The following C10orf105 variants were observed in gnomAD, a reference collection of about 807,000 sequenced individuals.
C10orf105 encodes the protein uncharacterized protein C10orf105.
Under a neutral mutation model 0.6 loss-of-function variants are expected in C10orf105, and 2 were observed. The ratio of observed to expected loss-of-function variants is 3.18; its 90% CI spans 1.30 to 10.01. The LOEUF (loss-of-function observed/expected upper bound fraction) is 10.01, where lower values mean the gene tolerates loss of function less well. Ranked by LOEUF, C10orf105 falls within the 30% of genes most tolerant of loss-of-function variation. The pLI is 0.04. For missense variants in C10orf105, 209 were observed against 191.4 expected, an observed-to-expected ratio of 1.09 and a Z score of -0.54; for synonymous variants, 95 against 82.4, an observed-to-expected ratio of 1.15 and a Z score of -0.83.
rs371962929 is a variant in C10orf105 at position 71,712,774 on chromosome 10, C to T, written c.*3162G>A. The stretch of plus-strand genomic sequence containing the variant: ...TTCTGCAGAGCAGCTATGAGGCCAG[C>T]GTCCCTGAGGACATCCCTGAAGGCC... On this transcript the variant is annotated 3_prime_UTR_variant, in exon 2 of 2. Transcript: ENST00000441508. The T allele has an allele frequency of 1.1e-5, 18 of 1,612,914 alleles. No homozygotes were observed. Among genetic ancestry groups the T allele is most frequent in the East Asian group, 8.9e-5 (4 of 44,862 alleles).
In C10orf105 at chr10:71,734,272, T is replaced by A. The variant is rs1276222917; in HGVS notation, c.-6+3456A>T. The A allele has an allele frequency of 1.9e-6, 3 of 1,612,158 alleles. No individual in the cohort carries two copies. The highest frequency in any genetic ancestry group is 2.5e-6 in the Non-Finnish European group (3 of 1,179,240). ...TCACAGTCCAGGGCCTGGTGGACCG[T>A]GAGAAGGGCGACTTCTATACCTTGA... On this transcript the variant is annotated intron_variant, in intron 1 of 1. Transcript: ENST00000398786.
At chr10:71,719,929 G>T (rs1029221177), upstream of C10orf105, 1 of 152,826 alleles carries the variant, frequency 6.5e-6, no homozygotes, top group African/African-American at 2.4e-5. Flanking sequence ...ATGCCCCCTG[G>T]CCTTCCCACC....
chr10:71,737,539 G>C (rs1357836418), intron 1 of C10orf105, among the ~76,000 whole-genome samples: 1 of 152,198 alleles, frequency 6.6e-6, no homozygotes, highest in African/African-American at 2.4e-5. Context: ...GCATGCACAG[G>C]CTTAGCCGGC....
In C10orf105 at chr10:71,734,318, G is replaced by A. The variant is rs749105554; in HGVS notation, c.-6+3410C>T. On this transcript the variant is annotated intron_variant, in intron 1 of 1. Coordinates refer to the C10orf105 transcript ENST00000398786. ...CTTGACAGTGGTGGCAGATGACGGC[G>A]GCCCCAAGGTGGACTCCACCGTGGT... is the stretch of plus-strand genomic sequence containing the variant. The A allele has an allele frequency of 4.7e-5, 75 of 1,610,698 alleles. No homozygotes were observed. The highest frequency in any genetic ancestry group is 8.4e-5 in the Admixed American group (5 of 59,682).
intron 1 of C10orf105, among the ~76,000 whole-genome samples, chr10:71,718,954 T>C (rs989432400): frequency 3.9e-5 from 6 of 152,054 alleles, no homozygotes; most frequent in Non-Finnish European, 7.4e-5. Flanking sequence ...AGTATGTGCC[T>C]GTGGCCCCAG....
upstream of C10orf105, among the ~76,000 whole-genome samples, chr10:71,722,177 A>G (rs533911873): frequency 1.3e-5 from 2 of 152,342 alleles, no homozygotes; most frequent in Admixed American, 6.5e-5. Flanking sequence ...ATGGTGGCTC[A>G]TGCCTGTAAT....
chr10:71,713,876 T>G lies in C10orf105; in HGVS notation c.*2060A>C. ...GCTACAGGCTGAATCCAGCCTAGGA[T>G]TTGCAGGGAGGCCCCAGGGGAAGCA... On this transcript the variant is annotated 3_prime_UTR_variant, in exon 2 of 2. Transcript: ENST00000441508. 6.6e-6 allele frequency: 1 copy of G among 152,644 alleles called. No homozygotes were observed. Among genetic ancestry groups the G allele is most frequent in the Non-Finnish European group, 1.5e-5 (1 of 68,550 alleles). The allele number at this position is 152,644 out of a possible 1,614,324, so 9.5% of individuals were successfully genotyped here.
At chr10:71,736,090 C>T (rs761663492) in intron 1 of C10orf105, among the ~76,000 whole-genome samples, 222 of 152,348 alleles carry the variant, frequency 1.5e-3, no homozygotes, top group Non-Finnish European at 2.1e-3. Context: ...GAAAGGAGGT[C>T]CCCCTGCGTG....
At chr10:71,736,741 G>T (rs1023452010) in intron 1 of C10orf105, among the ~76,000 whole-genome samples, 27 of 152,182 alleles carry the variant, frequency 1.8e-4, no homozygotes, top group African/African-American at 6.5e-4. Flanking sequence ...CACTAGGCTG[G>T]GTTCAGGTTA....
At chr10:71,732,391 C>A (rs549123269) in intron 1 of C10orf105, 1 of 1,553,564 alleles carries the variant, frequency 6.4e-7, no homozygotes, top group African/African-American at 1.4e-5. Flanking sequence ...GGGCTGGGGG[C>A]AGGGAGCACC....
intron 1 of C10orf105, among the ~76,000 whole-genome samples, chr10:71,731,012 C>T (rs927591334): frequency 3.9e-5 from 6 of 152,254 alleles, no homozygotes; most frequent in African/African-American, 1.4e-4. Context: ...CAGGGCCTAG[C>T]ACACGCAGAC....
At chr10:71,732,634 T>C in intron 1 of C10orf105, 2 of 1,398,338 alleles carry the variant, frequency 1.4e-6, no homozygotes, top group Non-Finnish European at 1.9e-6. Flanking sequence ...CCTTGTCTCT[T>C]ACAAAGAAAC....
chr10:71,722,962 G>T (rs1184001162), upstream of C10orf105, among the ~76,000 whole-genome samples: 1 of 152,070 alleles, frequency 6.6e-6, no homozygotes, highest in African/African-American at 2.4e-5. Context: ...AATCTCTCTG[G>T]GCCCAAGGTC....
In C10orf105 at chr10:71,732,001, G is replaced by A. The variant is rs1478583640; in HGVS notation, c.-6+5727C>T. The A allele has an allele frequency of 6.8e-6, 11 of 1,613,544 alleles. No individual in the cohort carries two copies. Among genetic ancestry groups the A allele is most frequent in the African/African-American group, 2.7e-5 (2 of 74,922 alleles). On this transcript the variant is annotated intron_variant, in intron 1 of 1. Transcript: ENST00000398786. Reference sequence around the variant, plus strand: ...TCCTCCTACAGGGGATGGTGGCCTGGTGAACTACCGCATCCTGTCGGGCGC... The same window carrying A: ...TCCTCCTACAGGGGATGGTGGCCTGATGAACTACCGCATCCTGTCGGGCGC...
intron 1 of C10orf105, chr10:71,734,608 T>A (rs373818946): frequency 1.3e-6 from 2 of 1,575,724 alleles, no homozygotes; most frequent in Non-Finnish European, 1.7e-6. Flanking sequence ...ACCATTTGCA[T>A]CTTTGCCTTT....
rs370944611 is a variant in C10orf105, at chr10:71,725,393, G to A, written c.-5-9051C>T. 9.2e-5 allele frequency: 148 copies of A among 1,613,978 alleles called. No individual in the cohort carries two copies. Among genetic ancestry groups the A allele is most frequent in the African/African-American group, 2.1e-4 (16 of 75,026 alleles). On this transcript the variant is annotated intron_variant, in intron 1 of 1. Coordinates refer to the C10orf105 transcript ENST00000398786. The stretch of plus-strand genomic sequence containing the variant: ...ACAGGTAACCATGGCAACAACTTCC[G>A]GATCCATGTCAGCAATGGGCTCCTG...
At chr10:71,730,420 C>T (rs760076275) in intron 1 of C10orf105, 14 of 1,599,270 alleles carry the variant, frequency 8.8e-6, no homozygotes, top group East Asian at 2.2e-5. Flanking sequence ...CCTGGGCTTC[C>T]CAGCCTCCAC....
chr10:71,728,263 G>A (rs933297749), intron 1 of C10orf105, among the ~76,000 whole-genome samples: 2 of 152,012 alleles, frequency 1.3e-5, no homozygotes, highest in African/African-American at 2.4e-5. Flanking sequence ...GTTCCAGCCT[G>A]TGAACAGCTG....
intron 1 of C10orf105, chr10:71,716,653 C>A: frequency 3.5e-6 from 1 of 281,712 alleles, no homozygotes; most frequent in Non-Finnish European, 6.6e-6. Context: ...TGAATCATCA[C>A]AGGGTCTTAG....
Sources: gnomAD v4.1 joint callset for allele counts (sites outside exome capture counted in the v4.1 genomes callset) on GRCh38, gnomAD v4.1.1 for gene constraint, MANE v1.5 for transcripts, NCBI Gene and HGNC (gene_info 2026-07-23, HGNC 2026-07-21) for gene names.